Variants in GPBP1 observed in about 807,000 individuals in gnomAD.
GPBP1 encodes the protein vasculin.
A neutral mutation model predicts 56.5 loss-of-function variants in GPBP1; 13 were observed. That is an observed-to-expected ratio of 0.23 (90% CI 0.15 to 0.37). GPBP1 has a LOEUF of 0.37. Among genes scored for constraint, GPBP1 ranks in the 10% least tolerant of loss-of-function variants. The pLI is 1.00. For missense variants in GPBP1, 477 were observed against 572.3 expected (o/e 0.83, Z 1.70); for synonymous variants, 204 against 188.9 (o/e 1.08, Z -0.66).
chr5:57,190,115 T>C (rs1163727964), intron 2 of GPBP1, among the ~76,000 whole-genome samples: 4 of 149,240 alleles, frequency 2.7e-5, no homozygotes, highest in Non-Finnish European at 4.4e-5. Flanking sequence ...AGTGCACTTA[T>C]TTGCACAGTA....
chr5:57,205,158 TGAA>T (rs1755177357), intron 2 of GPBP1, among the ~76,000 whole-genome samples: 1 of 152,224 alleles, frequency 6.6e-6, no homozygotes, highest in Non-Finnish European at 1.5e-5. Flanking sequence ...TTTTTCTCTA[TGAA>T]TTTACCTCTT....
At chr5:57,243,016 TG>T (rs148078622) in intron 6 of GPBP1, among the ~76,000 whole-genome samples, 2,966 of 152,052 alleles carry the variant, frequency 0.02, 72 homozygotes, top group African/African-American at 0.067. Context: ...CCCAAAGTGT[TG>T]GGATTACAGG....
intron 2 of GPBP1, among the ~76,000 whole-genome samples, chr5:57,194,675 C>G (rs1316642922): frequency 6.6e-6 from 1 of 152,064 alleles, no homozygotes; most frequent in African/African-American, 2.4e-5. Flanking sequence ...CCTTCCCACT[C>G]CCCAGCCTCT....
intron 2 of GPBP1, among the ~76,000 whole-genome samples, chr5:57,212,420 A>G (rs754978609): frequency 2.0e-5 from 3 of 152,188 alleles, no homozygotes; most frequent in Non-Finnish European, 4.4e-5. Context: ...CAATAGAAAT[A>G]AATAGGACTC....
chr5:57,196,394 A>G (rs897157686), intron 2 of GPBP1, among the ~76,000 whole-genome samples: 2 of 152,114 alleles, frequency 1.3e-5, no homozygotes, highest in Non-Finnish European at 2.9e-5. Context: ...TATCAAATTG[A>G]TAGTAGAGAA....
chr5:57,246,411 A>G lies in GPBP1; in HGVS notation c.590A>G (p.Gln197Arg). ...GFPVVGNLPSQPVKNGTGPSV... is the reference protein window; with the variant it reads ...GFPVVGNLPSRPVKNGTGPSV... Reference sequence around the variant, plus strand: ...CCAGTAGTAGGAAATCTTCCGTCACAGCCAGTTAAGAATGGAACTGGTCCA... The same window carrying G: ...CCAGTAGTAGGAAATCTTCCGTCACGGCCAGTTAAGAATGGAACTGGTCCA... Residue 197 changes from glutamine (Q) to arginine (R), a missense_variant, in exon 7 of 12, where the codon CAG becomes CGG. Around this residue, in one of 2 missense-constraint regions of GPBP1, gnomAD observed 414 missense variants for 458.2 expected, o/e 0.90. Transcript: ENST00000506184. The G allele has an allele frequency of 6.2e-7, 1 of 1,614,050 alleles. No homozygotes were observed. Among genetic ancestry groups the G allele is most frequent in the South Asian group, 1.1e-5 (1 of 91,074 alleles).
intron 10 of GPBP1, 47 bp downstream of exon 10, chr5:57,251,188 A>G: frequency 6.9e-7 from 1 of 1,448,564 alleles, no homozygotes; most frequent in Non-Finnish European, 9.4e-7. Flanking sequence ...TGTATTCGAG[A>G]TTTCAATATT....
At chr5:57,236,160 G>T (rs1303835220) in intron 6 of GPBP1, 128 bp downstream of exon 6, 1 of 627,476 alleles carries the variant, frequency 1.6e-6, no homozygotes, top group Non-Finnish European at 2.8e-6. Flanking sequence ...TGTATTTGAT[G>T]TGCTTAGCTA....
chr5:57,188,769 C>T (rs1754396895), intron 2 of GPBP1, among the ~76,000 whole-genome samples: 1 of 152,048 alleles, frequency 6.6e-6, no homozygotes, highest in Admixed American at 6.6e-5. Flanking sequence ...AAGCTACAGT[C>T]TTACTTCCTA....
intron 2 of GPBP1, among the ~76,000 whole-genome samples, chr5:57,205,203 C>T (rs577257301): frequency 3.3e-5 from 5 of 152,274 alleles, no homozygotes; most frequent in South Asian, 2.1e-4. Context: ...AGGCATACAA[C>T]GTGATCTTTT....
chr5:57,251,797 C>T (rs1741405085), intron 10 of GPBP1, among the ~76,000 whole-genome samples: 1 of 152,042 alleles, frequency 6.6e-6, no homozygotes, highest in South Asian at 2.1e-4. Flanking sequence ...ATTTTACTTC[C>T]TTATCAGCAA....
At chr5:57,251,871 G>A (rs1741408398) in intron 10 of GPBP1, among the ~76,000 whole-genome samples, 1 of 152,080 alleles carries the variant, frequency 6.6e-6, no homozygotes, top group Admixed American at 6.5e-5. Flanking sequence ...TTTGATTACA[G>A]TCATTCTAGT....
At chr5:57,232,339 C>T (rs1756496462) in intron 5 of GPBP1, among the ~76,000 whole-genome samples, 1 of 152,212 alleles carries the variant, frequency 6.6e-6, no homozygotes, top group Non-Finnish European at 1.5e-5. Flanking sequence ...AGTAACTCTT[C>T]TTAGAAGCAG....
At chr5:57,233,804 T>C (rs973577090) in intron 5 of GPBP1, among the ~76,000 whole-genome samples, 5 of 152,196 alleles carry the variant, frequency 3.3e-5, no homozygotes, top group Non-Finnish European at 7.3e-5. Flanking sequence ...TTGTTCAAGG[T>C]TCAACTGTAT....
At position 57,177,328 on chromosome 5, in the gene GPBP1, TA is replaced by T. The variant is rs564054223; in HGVS notation, c.-58+930del. On this transcript the variant is annotated intron_variant, in intron 2 of 11. Transcript: ENST00000506184. ...AATTTTTCGGTGAATCATAGGCATT[TA>T]ATGTTTTTTAAAGAGATACACTAAA... Among the ~76,000 whole-genome samples, 413 of 152,204 alleles carry T rather than the reference TA, an allele frequency of 2.7e-3. 1 individual carries two copies. The highest frequency in any genetic ancestry group is 9.5e-3 in the African/African-American group (395 of 41,588).
chr5:57,214,877 G>T (rs1403508655), intron 3 of GPBP1, among the ~76,000 whole-genome samples: 2 of 152,266 alleles, frequency 1.3e-5, no homozygotes, highest in Non-Finnish European at 2.9e-5. Context: ...GGCTAGGCTG[G>T]TCTCTAACGC....
At chr5:57,253,785 C>CA (rs147505940) in intron 10 of GPBP1, among the ~76,000 whole-genome samples, 5,431 of 151,424 alleles carry the variant, frequency 0.036, 281 homozygotes, top group African/African-American at 0.12. Context: ...AAACAAAAAA[C>CA]AAAAAAAACA....
At chr5:57,185,457 C>T (rs1261496111) in intron 2 of GPBP1, among the ~76,000 whole-genome samples, 3 of 151,832 alleles carry the variant, frequency 2.0e-5, no homozygotes, top group African/African-American at 4.8e-5. Context: ...TTAGTAGAAA[C>T]GGGGTTTCAT....
intron 2 of GPBP1, among the ~76,000 whole-genome samples, chr5:57,190,185 G>A (rs939535398): frequency 6.7e-6 from 1 of 149,052 alleles, no homozygotes; most frequent in Admixed American, 7.4e-5. Context: ...GGGGGATTGG[G>A]TGTATATGGT....
Sources: allele counts gnomAD v4.1 joint callset (sites outside exome capture counted in the v4.1 genomes callset), GRCh38; gene constraint gnomAD v4.1.1; regional missense constraint gnomAD v4.1.1; transcripts MANE v1.5; gene names NCBI Gene and HGNC (gene_info 2026-07-23, HGNC 2026-07-21).